Variants in WIPI2 observed in about 807,000 individuals in gnomAD.
WIPI2 encodes WD repeat domain phosphoinositide-interacting protein 2.
A neutral mutation model predicts 52.3 loss-of-function variants in WIPI2; 28 were observed. The observed-to-expected ratio is 0.54, with a 90% confidence interval of 0.40 to 0.73. The LOEUF (loss-of-function observed/expected upper bound fraction) is 0.73, where lower values mean the gene tolerates loss of function less well. WIPI2 is among the 30% of genes least tolerant of loss of function. WIPI2 has a pLI of 0.00. For missense variants in WIPI2, 506 were observed against 602.9 expected, an observed-to-expected ratio of 0.84 and a Z score of 1.68; for synonymous variants, 268 against 245.0, an observed-to-expected ratio of 1.09 and a Z score of -0.88.
Position 5,231,193 on chromosome 7 carries a change from C to T in WIPI2, c.*246C>T. On this transcript the variant is annotated 3_prime_UTR_variant, in exon 13 of 13. Transcript: ENST00000288828. ...TTTGTTTGTTTGTTTTCTCTTTTTG[C>T]CAAAATTAACTGTTTGGTGAAGCCC... The T allele has an allele frequency of 2.4e-6, 1 of 408,304 alleles. No homozygotes were observed. Among genetic ancestry groups the T allele is most frequent in the East Asian group, 3.9e-5 (1 of 25,538 alleles). The allele number at this position is 408,304 out of a possible 1,614,324, so 25.3% of individuals were successfully genotyped here. A position where few individuals can be genotyped will look rare whatever the true frequency, so the allele number is the denominator to read the frequency against.
intron 2 of WIPI2, among the ~76,000 whole-genome samples, chr7:5,198,040 G>A (rs1169560591): frequency 2.6e-5 from 4 of 152,214 alleles, no homozygotes; most frequent in Non-Finnish European, 5.9e-5. Context: ...TGGGCTCCTT[G>A]AGCCTCCTCG....
chr7:5,229,561 G>T, intron 11 of WIPI2, 47 bp from the exon 12 acceptor site: 1 of 1,593,648 alleles, frequency 6.3e-7, no homozygotes, highest in Non-Finnish European at 8.5e-7. Context: ...TGCCCGCAGG[G>T]CTGCCCTGTG....
chr7:5,208,269 C>T (rs2115250897), intron 3 of WIPI2, among the ~76,000 whole-genome samples: 1 of 152,084 alleles, frequency 6.6e-6, no homozygotes, highest in Middle Eastern at 3.4e-3. Flanking sequence ...GGTTGTTTAT[C>T]TTTTTATTAT....
chr7:5,207,955 G>A (rs545716194), intron 3 of WIPI2, among the ~76,000 whole-genome samples: 467 of 152,024 alleles, frequency 3.1e-3, no homozygotes, highest in Non-Finnish European at 5.7e-3. Flanking sequence ...TGGTAGAGAC[G>A]GGGTTTCACC....
At chr7:5,226,219 C>T in intron 9 of WIPI2, 1 of 373,226 alleles carries the variant, frequency 2.7e-6, no homozygotes. Flanking sequence ...ATGGCCTCTC[C>T]TCAGGTTCCC....
At position 5,230,827 on chromosome 7, in the gene WIPI2, C is replaced by T; in HGVS notation, c.1253-8C>T. 1 of 1,610,462 alleles carries T rather than the reference C, an allele frequency of 6.2e-7. No homozygotes were observed. Among genetic ancestry groups the T allele is most frequent in the Non-Finnish European group, 8.5e-7 (1 of 1,178,004 alleles). On this transcript the variant is annotated splice_region_variant and splice_polypyrimidine_tract_variant and intron_variant, in intron 12 of 12. Coordinates refer to ENST00000288828, the MANE Select transcript of WIPI2 (RefSeq NM_015610.4). This position sits in a 1 kb window ranked among gnomAD's most constrained non-coding sequence, Gnocchi z 4.8. ...CCTTTGAAGGGTGACTTCGTCGTCT[C>T]TTTGCAGCCTACACAGACGACCTGG... is the stretch of plus-strand genomic sequence containing the variant.
intron 3 of WIPI2, among the ~76,000 whole-genome samples, chr7:5,209,040 G>A (rs1449308205): frequency 2.0e-5 from 2 of 102,552 alleles, no homozygotes; most frequent in African/African-American, 7.2e-5. Context: ...TTTTTGGTAT[G>A]GAGGTCTTAC....
intron 6 of WIPI2, chr7:5,217,609 C>A (rs1782883666): frequency 2.3e-6 from 1 of 429,310 alleles, no homozygotes; most frequent in African/African-American, 2.0e-5. Context: ...CTGCTCTCTT[C>A]TCAGTAGCAG....
chr7:5,204,599 C>A (rs989054586), intron 3 of WIPI2, among the ~76,000 whole-genome samples: 1 of 152,174 alleles, frequency 6.6e-6, no homozygotes, highest in African/African-American at 2.4e-5. Context: ...AAGGTGTATT[C>A]CTGAAAAGAT....
intron 2 of WIPI2, among the ~76,000 whole-genome samples, chr7:5,195,778 C>T (rs749636114): frequency 7.2e-5 from 11 of 152,140 alleles, no homozygotes; most frequent in Admixed American, 1.3e-4. Context: ...ACGGTGGTCA[C>T]GCCTGTAATC....
chr7:5,213,435 G>T (rs1023601682), intron 3 of WIPI2: 1 of 152,622 alleles, frequency 6.6e-6, no homozygotes, highest in African/African-American at 2.4e-5. Flanking sequence ...GTGCGAGGGT[G>T]GTCCTGTGAG....
At chr7:5,226,140 C>T in intron 9 of WIPI2, 2 of 573,000 alleles carry the variant, frequency 3.5e-6, no homozygotes, top group Admixed American at 2.8e-5. Context: ...CCACAGGCAG[C>T]ACGCAGGGTA....
rs1301905848 is a variant in WIPI2 at position 5,230,189 on chromosome 7, A to G, written c.1252+451A>G. 1.3e-5 allele frequency among the ~76,000 whole-genome samples: 2 copies of G among 152,166 alleles called. No individual in the cohort carries two copies. The highest frequency in any genetic ancestry group is 1.5e-5 in the Non-Finnish European group (1 of 68,020). ...GATACCACCCTGAAAAGTACTGCCA[A>G]GGGTTTTGCCTCAGTCTTTTCCCTC... On this transcript the variant is annotated intron_variant, in intron 12 of 12. Coordinates refer to ENST00000288828, the MANE Select transcript of WIPI2 (RefSeq NM_015610.4). The surrounding 1 kb of genome is among the most constrained non-coding windows in gnomAD (Gnocchi z 4.8).
chr7:5,195,841 C>A (rs746314430), intron 2 of WIPI2, among the ~76,000 whole-genome samples: 15 of 151,608 alleles, frequency 9.9e-5, no homozygotes, highest in Non-Finnish European at 2.1e-4. Flanking sequence ...GAGTTCGAGA[C>A]CAGCCTGGCC....
At position 5,233,504 on chromosome 7, in the gene WIPI2, G is replaced by A. The variant is rs1407582525; in HGVS notation, c.*2557G>A. ...TTCAAAAAGGACGATGAGCGTGGGG[G>A]ATAGGAAACAAAACCTGTAAACGTT... On this transcript the variant is annotated 3_prime_UTR_variant, in exon 13 of 13. Transcript: ENST00000288828. 1 of 152,588 alleles carries A rather than the reference G, an allele frequency of 6.6e-6. No individual in the cohort carries two copies. The highest frequency in any genetic ancestry group is 1.5e-5 in the Non-Finnish European group (1 of 68,054). 9.5% of individuals were successfully genotyped at this position (152,588 alleles called of 1,614,324 possible). A position where few individuals can be genotyped will look rare whatever the true frequency, so the allele number is the denominator to read the frequency against.
At chr7:5,221,160 A>C (rs1049453032) in intron 7 of WIPI2, among the ~76,000 whole-genome samples, 7 of 151,484 alleles carry the variant, frequency 4.6e-5, no homozygotes, top group Non-Finnish European at 7.4e-5. Context: ...ACGGGGTTTC[A>C]CCATGTTGGC....
rs1783201050 is a variant in WIPI2, at chr7:5,222,649, T to G, written c.717T>G (p.Phe239Leu). ...CCATTCCAGAAGGACAAAAACTCTT[T>G]GAGTTTCGGAGAGGAGTAAAGAGGT... ...VFSIPEGQKLFEFRRGVKRCV... is the reference protein window; with the variant it reads ...VFSIPEGQKLLEFRRGVKRCV... Residue 239 changes from phenylalanine (F) to leucine (L), a missense_variant, in exon 8 of 13, where the codon TTT becomes TTG. This residue lies in a region of WIPI2 where 237 missense variants were observed against 346.9 expected (regional missense o/e 0.68). Coordinates refer to ENST00000288828, the MANE Select transcript of WIPI2 (RefSeq NM_015610.4). 1.2e-6 allele frequency: 2 copies of G among 1,613,904 alleles called. No homozygotes were observed. Among genetic ancestry groups the G allele is most frequent in the Non-Finnish European group, 8.5e-7 (1 of 1,179,872 alleles).
In WIPI2 at chr7:5,226,000, G is replaced by A; in HGVS notation, c.848+70G>A. ...TTGTCCCCACTTGCTGCCGGGATGA[G>A]AGGTAAGCACGGACCCGCCCACCCT... On this transcript the variant is annotated intron_variant, in intron 9 of 12. Transcript: ENST00000288828. 5.4e-6 allele frequency: 8 copies of A among 1,476,386 alleles called. No homozygotes were observed. The South Asian group carries it at 9.7e-5, about 18-fold the overall frequency. The allele number at this position is 1,476,386 out of a possible 1,614,324, so 91.5% of individuals were successfully genotyped here. A position where few individuals can be genotyped will look rare whatever the true frequency, so the allele number is the denominator to read the frequency against.
At chr7:5,193,088 T>C in intron 1 of WIPI2, 30 bp from the exon 2 acceptor site, 1 of 1,603,694 alleles carries the variant, frequency 6.2e-7, no homozygotes, top group Non-Finnish European at 8.5e-7. Context: ...TTACCATTTG[T>C]TTTTTGTTTT....
Sources: allele counts gnomAD v4.1 joint callset (sites outside exome capture counted in the v4.1 genomes callset), GRCh38; gene constraint gnomAD v4.1.1; regional missense constraint gnomAD v4.1.1; non-coding constraint Gnocchi (gnomAD v3.1); transcripts MANE v1.5; gene names NCBI Gene and HGNC (gene_info 2026-07-23, HGNC 2026-07-21).